Variants in TCTN3 observed in about 807,000 individuals in gnomAD.
TCTN3 encodes the protein tectonic-3.
TCTN3 carries 57 observed loss-of-function variants against 71.3 expected under a neutral mutation model. That is an observed-to-expected ratio of 0.80 (90% CI 0.65 to 1.00). The LOEUF is 1.00. Ranked by LOEUF, TCTN3 falls within the 50% of genes least tolerant of loss-of-function variation. The probability of loss-of-function intolerance (pLI) is 0.00; values close to 1 mark genes in which losing one functional copy is unlikely to be tolerated. For missense variants in TCTN3, 696 were observed against 719.9 expected (o/e 0.97, Z 0.38); for synonymous variants, 258 against 267.8 (o/e 0.96, Z 0.36).
At chr10:95,664,814 C>T (rs1350510667) in intron 13 of TCTN3, among the ~76,000 whole-genome samples, 1 of 152,210 alleles carries the variant, frequency 6.6e-6, no homozygotes, top group African/African-American at 2.4e-5. Context: ...GTCAGACTGA[C>T]TCAAGTATCT....
intron 6 of TCTN3, 97 bp from the exon 7 acceptor site, chr10:95,686,627 G>T: frequency 8.7e-7 from 1 of 1,155,744 alleles, no homozygotes; most frequent in Non-Finnish European, 1.3e-6. Context: ...TTGGTTTGGC[G>T]GGCAGGGGAG....
In TCTN3 at chr10:95,687,091, C is replaced by T; in HGVS notation, c.805G>A (p.Asp269Asn). Residue 269 changes from aspartate to asparagine, a missense_variant, in exon 6 of 14, where the codon GAT (aspartate) becomes AAT (asparagine). Physicochemically the swap from Asp to Asn is conservative, Grantham distance 23. Coordinates refer to ENST00000371217, the MANE Select transcript of TCTN3 (RefSeq NM_015631.6). ...FKNLASSCTLDSALNAASYYN... is the reference protein window; with the variant it reads ...FKNLASSCTLNSALNAASYYN... The stretch of plus-strand genomic sequence containing the variant: ...TAAGAGGCAGCATTGAGGGCTGAAT[C>T]CAAGGTACAGCTACTAGCCAGGTTC... 6.2e-7 allele frequency: 1 copy of T among 1,614,110 alleles called. No individual in the cohort carries two copies.
chr10:95,673,090 G>A (rs890663867), intron 13 of TCTN3, among the ~76,000 whole-genome samples: 3 of 152,078 alleles, frequency 2.0e-5, no homozygotes, highest in Admixed American at 6.6e-5. Flanking sequence ...TGAGTCTTTT[G>A]TCAGATAAAC....
At chr10:95,679,453 GTTTAC>G (rs1438846931) in intron 13 of TCTN3, among the ~76,000 whole-genome samples, 2 of 152,076 alleles carry the variant, frequency 1.3e-5, no homozygotes, top group Admixed American at 6.6e-5. Context: ...GTAGTCTCAA[GTTTAC>G]TTTATTTCTG....
At chr10:95,683,015 T>C in intron 11 of TCTN3, 86 bp downstream of exon 11, 1 of 1,384,352 alleles carries the variant, frequency 7.2e-7, no homozygotes, top group Non-Finnish European at 1.0e-6. Context: ...TTCCGAACTG[T>C]CATTAAAAAT....
chr10:95,671,645 G>A (rs1315984891), intron 13 of TCTN3, among the ~76,000 whole-genome samples: 1 of 152,152 alleles, frequency 6.6e-6, no homozygotes, highest in Non-Finnish European at 1.5e-5. Context: ...TTCATCTTTG[G>A]TACAAGTGTC....
At chr10:95,666,206 G>A (rs1336392862) in intron 13 of TCTN3, among the ~76,000 whole-genome samples, 1 of 151,060 alleles carries the variant, frequency 6.6e-6, no homozygotes, top group African/African-American at 2.4e-5. Flanking sequence ...CTCCCAAAGT[G>A]CTGGGATTAC....
chr10:95,672,384 T>TG (rs2097932550), intron 13 of TCTN3, among the ~76,000 whole-genome samples: 1 of 152,154 alleles, frequency 6.6e-6, no homozygotes, highest in Non-Finnish European at 1.5e-5. Context: ...AAGCCTTTTT[T>TG]GGGGCATATG....
intron 4 of TCTN3, 34 bp from the exon 5 acceptor site, chr10:95,687,389 T>G: frequency 6.4e-7 from 1 of 1,569,412 alleles, no homozygotes; most frequent in South Asian, 1.2e-5. Context: ...TTGTTCACAG[T>G]GAGACTGGAC....
At chr10:95,674,566 C>A (rs2097934967) in intron 13 of TCTN3, among the ~76,000 whole-genome samples, 1 of 152,070 alleles carries the variant, frequency 6.6e-6, no homozygotes, top group South Asian at 2.1e-4. Flanking sequence ...TCTACCTTTT[C>A]ATGTCAATAA....
intron 13 of TCTN3, among the ~76,000 whole-genome samples, chr10:95,664,666 A>G (rs1287733561): frequency 1.3e-5 from 2 of 152,230 alleles, no homozygotes; most frequent in Non-Finnish European, 2.9e-5. Flanking sequence ...TGTACAAGTG[A>G]AAGTAGTAGT....
chr10:95,666,573 G>C (rs985076918), intron 13 of TCTN3, among the ~76,000 whole-genome samples: 3 of 152,184 alleles, frequency 2.0e-5, no homozygotes, highest in Admixed American at 6.5e-5. Flanking sequence ...AATCTTTATA[G>C]CTGACATTAT....
intron 13 of TCTN3, among the ~76,000 whole-genome samples, chr10:95,666,168 C>T (rs1036411547): frequency 1.3e-5 from 2 of 151,844 alleles, no homozygotes; most frequent in Non-Finnish European, 2.9e-5. Context: ...GTCTCGATCT[C>T]CTGACCTAGT....
chr10:95,671,590 T>C (rs1459782705), intron 13 of TCTN3, among the ~76,000 whole-genome samples: 1 of 152,246 alleles, frequency 6.6e-6, no homozygotes, highest in Non-Finnish European at 1.5e-5. Flanking sequence ...TACTAACTTT[T>C]AGGTGTGTTT....
At chr10:95,678,855 T>C (rs575918581) in intron 13 of TCTN3, among the ~76,000 whole-genome samples, 17 of 152,328 alleles carry the variant, frequency 1.1e-4, no homozygotes, top group East Asian at 1.9e-4. Flanking sequence ...TATACTTTTA[T>C]AGGAGCATAG....
At chr10:95,693,143 G>A in intron 2 of TCTN3, 105 bp from the exon 3 acceptor site, 1 of 1,181,476 alleles carries the variant, frequency 8.5e-7, no homozygotes. Flanking sequence ...AGGACTCCTT[G>A]GGCACCTATA....
intron 3 of TCTN3, among the ~76,000 whole-genome samples, chr10:95,688,613 G>A (rs909678792): frequency 1.3e-5 from 2 of 152,046 alleles, no homozygotes; most frequent in African/African-American, 4.8e-5. Flanking sequence ...CAACTGACGA[G>A]TCCTAACAAT....
At chr10:95,674,994 A>G (rs1201593905) in intron 13 of TCTN3, among the ~76,000 whole-genome samples, 1 of 151,650 alleles carries the variant, frequency 6.6e-6, no homozygotes, top group Non-Finnish European at 1.5e-5. Flanking sequence ...AAAGATGTCA[A>G]TGAAGTTATC....
Position 95,693,879 on chromosome 10 carries a change from C to A in TCTN3, c.21G>T (p.Ala7=). ...ACACCAGAAAGAACACTTGCAGGAG[C>A]GCGAGCTGTGGGGTGCGCATGGGGC... The part of the protein sequence containing the change: MRTPQL[A]LLQVFFLVFP... Residue 7 remains alanine (A), a synonymous_variant, in exon 1 of 14, where the codon GCG becomes GCT. Coordinates refer to ENST00000371217, the MANE Select transcript of TCTN3 (RefSeq NM_015631.6). The A allele has an allele frequency of 6.4e-7, 1 of 1,551,700 alleles. No individual in the cohort carries two copies. Among genetic ancestry groups the A allele is most frequent in the South Asian group, 1.2e-5 (1 of 84,066 alleles).
Sources: gnomAD v4.1 joint callset for allele counts (sites outside exome capture counted in the v4.1 genomes callset) on GRCh38, gnomAD v4.1.1 for gene constraint, MANE v1.5 for transcripts, NCBI Gene and HGNC (gene_info 2026-07-23, HGNC 2026-07-21) for gene names.